Variants in VPS4B observed in about 807,000 individuals in gnomAD.
VPS4B encodes the protein vacuolar protein sorting 4 homolog B.
Under a neutral mutation model 56.1 loss-of-function variants are expected in VPS4B, and 23 were observed. The ratio of observed to expected loss-of-function variants is 0.41; its 90% confidence interval spans 0.30 to 0.58. The LOEUF (loss-of-function observed/expected upper bound fraction) is 0.58, where lower values mean the gene tolerates loss of function less well. Among genes scored for constraint, VPS4B ranks in the 20% least tolerant of loss-of-function variants. VPS4B has a pLI of 0.29. For synonymous variants in VPS4B, 177 were observed against 186.0 expected, an observed-to-expected ratio of 0.95 and a Z score of 0.39; for missense variants, 372 against 531.9, an observed-to-expected ratio of 0.70 and a Z score of 2.96.
At chr18:63,417,859 G>C (rs1412332487) in intron 1 of VPS4B, among the ~76,000 whole-genome samples, 1 of 152,074 alleles carries the variant, frequency 6.6e-6, no homozygotes, top group Admixed American at 6.6e-5. Context: ...TAAAGGTTGG[G>C]AACATGTGGA....
At chr18:63,414,515 A>G (rs560922724) in intron 1 of VPS4B, among the ~76,000 whole-genome samples, 31 of 152,030 alleles carry the variant, frequency 2.0e-4, no homozygotes, top group Non-Finnish European at 3.7e-4. Context: ...GCTCACTGCA[A>G]TCTCTGCCTC....
chr18:63,403,443 T>C (rs575744231), intron 5 of VPS4B, among the ~76,000 whole-genome samples: 1 of 152,374 alleles, frequency 6.6e-6, no homozygotes, highest in South Asian at 2.1e-4. Flanking sequence ...ATGTACACTC[T>C]ATTTTACTGA....
rs749572623 is a variant in VPS4B, at chr18:63,407,431, C to A, written c.364+1G>T. On this transcript the variant is annotated splice_donor_variant, in intron 4 of 10. Transcript: ENST00000238497. LOFTEE classifies it high-confidence loss of function. ...AATTTAAAAATGAAATCTAAAGCAA[C>A]CTTGAAGTTGATTCTGTAGTTTCTT... 2 of 1,605,996 alleles carry A rather than the reference C, an allele frequency of 1.2e-6. No homozygotes were observed. The highest frequency in any genetic ancestry group is 8.5e-7 in the Non-Finnish European group (1 of 1,176,580).
intron 9 of VPS4B, 150 bp from the exon 10 acceptor site, chr18:63,393,699 A>T: frequency 1.2e-6 from 1 of 849,154 alleles, no homozygotes; most frequent in Non-Finnish European, 1.6e-6. Context: ...TATACAACAA[A>T]AAGTAGTTAT....
chr18:63,391,589 A>G (rs914517346), intron 10 of VPS4B, among the ~76,000 whole-genome samples: 5 of 152,180 alleles, frequency 3.3e-5, no homozygotes, highest in Non-Finnish European at 7.3e-5. Context: ...GTAGAAACGT[A>G]TACTTTCTTC....
At chr18:63,404,961 TTA>T (rs1262460256) in intron 4 of VPS4B, among the ~76,000 whole-genome samples, 6 of 152,192 alleles carry the variant, frequency 3.9e-5, no homozygotes, top group African/African-American at 7.2e-5. Flanking sequence ...TTCGTCTTTT[TTA>T]TGTTTCATTA....
chr18:63,399,215 A>T, intron 8 of VPS4B, 27 bp downstream of exon 8: 1 of 1,555,146 alleles, frequency 6.4e-7, no homozygotes, highest in Non-Finnish European at 8.8e-7. Context: ...TGCAGTGAGA[A>T]ATAAGATATT....
At chr18:63,419,882 T>C (rs963529888) in intron 1 of VPS4B, among the ~76,000 whole-genome samples, 1 of 152,222 alleles carries the variant, frequency 6.6e-6, no homozygotes, top group African/African-American at 2.4e-5. Context: ...ATTTTGATTT[T>C]TAGTTATCTG....
chr18:63,411,408 T>G, intron 2 of VPS4B, 59 bp downstream of exon 2: 1 of 1,242,862 alleles, frequency 8.0e-7, no homozygotes, highest in Non-Finnish European at 1.1e-6. Context: ...TTTTTAGAAA[T>G]GAAACAGAAT....
At chr18:63,391,421 G>T (rs1375391572) in intron 10 of VPS4B, among the ~76,000 whole-genome samples, 2 of 152,094 alleles carry the variant, frequency 1.3e-5, no homozygotes, top group Non-Finnish European at 2.9e-5. Flanking sequence ...TAGAGATGGG[G>T]TTTCGTTTTG....
intron 5 of VPS4B, 139 bp downstream of exon 5, chr18:63,403,568 A>T (rs1315319990): frequency 1.2e-5 from 11 of 944,096 alleles, no homozygotes; most frequent in South Asian, 6.0e-5. Flanking sequence ...AACATCTTGT[A>T]TAAAGATATA....
intron 4 of VPS4B, 74 bp downstream of exon 4, chr18:63,407,358 A>C (rs1055223734): frequency 6.9e-6 from 9 of 1,306,846 alleles, no homozygotes; most frequent in Non-Finnish European, 9.6e-6. Context: ...GGAGAACAAA[A>C]ACAATTCAAA....
chr18:63,401,267 T>C (rs1599358981), intron 5 of VPS4B, among the ~76,000 whole-genome samples: 1 of 152,306 alleles, frequency 6.6e-6, no homozygotes, highest in Middle Eastern at 3.4e-3. Flanking sequence ...TATTTTATTT[T>C]TTTTGAGACA....
At chr18:63,405,018 CTTTAT>C (rs1231924727) in intron 4 of VPS4B, among the ~76,000 whole-genome samples, 3 of 152,102 alleles carry the variant, frequency 2.0e-5, no homozygotes, top group Admixed American at 2.0e-4. Context: ...CAAAAATAAA[CTTTAT>C]TTTATATATG....
chr18:63,398,387 T>G (rs927065000), intron 8 of VPS4B, among the ~76,000 whole-genome samples: 5 of 151,848 alleles, frequency 3.3e-5, no homozygotes, highest in Non-Finnish European at 2.9e-5. Flanking sequence ...GCCAGGTAAT[T>G]TTTTTGGATT....
Position 63,396,104 on chromosome 18 carries a change from T to A in VPS4B, c.1092+930A>T, listed in dbSNP as rs1190505591. Reference sequence around the variant, plus strand: ...TTATTTTTACTTTATGAGGTATAAATGCACCAGATTCTACTCAAAAATATT... The same window carrying A: ...TTATTTTTACTTTATGAGGTATAAAAGCACCAGATTCTACTCAAAAATATT... On this transcript the variant is annotated intron_variant, in intron 9 of 10. Coordinates refer to ENST00000238497, the MANE Select transcript of VPS4B (RefSeq NM_004869.4). Among the ~76,000 whole-genome samples, 15 of 152,250 alleles carry A rather than the reference T, an allele frequency of 9.9e-5. No homozygotes were observed. In the East Asian group the frequency reaches 2.9e-3, roughly 29 times the overall value.
intron 4 of VPS4B, among the ~76,000 whole-genome samples, chr18:63,404,250 C>G (rs1915869488): frequency 6.6e-6 from 1 of 151,468 alleles, no homozygotes; most frequent in Non-Finnish European, 1.5e-5. Flanking sequence ...CTCCTGTTAA[C>G]CAAAAGAAAA....
chr18:63,418,850 A>T (rs1217317150), intron 1 of VPS4B, among the ~76,000 whole-genome samples: 1 of 152,126 alleles, frequency 6.6e-6, no homozygotes, highest in Non-Finnish European at 1.5e-5. Context: ...AACCTCTGCT[A>T]CCACCTGTAC....
intron 8 of VPS4B, among the ~76,000 whole-genome samples, chr18:63,398,147 ATGTG>A (rs748022416): frequency 1.3e-5 from 2 of 151,546 alleles, no homozygotes; most frequent in South Asian, 2.1e-4. Context: ...AGATAGATAG[ATGTG>A]TGTGTGTATA....
Sources: gnomAD v4.1 joint callset for allele counts (sites outside exome capture counted in the v4.1 genomes callset) on GRCh38, gnomAD v4.1.1 for gene constraint, MANE v1.5 for transcripts, NCBI Gene and HGNC (gene_info 2026-07-23, HGNC 2026-07-21) for gene names.